Variants in ARHGAP15 observed in about 807,000 individuals in gnomAD.
ARHGAP15 encodes rho GTPase-activating protein 15.
A neutral mutation model predicts 63.7 loss-of-function variants in ARHGAP15; 51 were observed. The observed-to-expected ratio is 0.80, with a 90% confidence interval of 0.64 to 1.01. The LOEUF (loss-of-function observed/expected upper bound fraction) is 1.01, where lower values mean the gene tolerates loss of function less well. Among genes scored for constraint, ARHGAP15 ranks in the 50% least tolerant of loss-of-function variants. The probability of loss-of-function intolerance (pLI) is 0.00; values close to 1 mark genes in which losing one functional copy is unlikely to be tolerated. For synonymous variants in ARHGAP15, 191 were observed against 193.8 expected (o/e 0.99, Z 0.12); for missense variants, 560 against 564.6 (o/e 0.99, Z 0.08).
intron 2 of ARHGAP15, among the ~76,000 whole-genome samples, chr2:143,178,596 T>A (rs1691100501): frequency 6.6e-6 from 1 of 152,140 alleles, no homozygotes; most frequent in Non-Finnish European, 1.5e-5. Context: ...ATGTTGGCTA[T>A]TTTTCTTCTT....
intron 2 of ARHGAP15, among the ~76,000 whole-genome samples, chr2:143,187,169 C>T (rs1012797321): frequency 3.3e-5 from 5 of 151,874 alleles, no homozygotes; most frequent in African/African-American, 4.8e-5. Flanking sequence ...TGATATGGTG[C>T]GAAAGCAAAT....
intron 1 of ARHGAP15, among the ~76,000 whole-genome samples, chr2:143,147,662 C>A (rs1007617252): frequency 1.3e-5 from 2 of 151,916 alleles, no homozygotes; most frequent in African/African-American, 4.8e-5. Flanking sequence ...ACCCTAGGAA[C>A]CTTTTCTTCA....
intron 6 of ARHGAP15, among the ~76,000 whole-genome samples, chr2:143,405,431 A>G (rs1688159844): frequency 6.6e-6 from 1 of 151,770 alleles, no homozygotes; most frequent in African/African-American, 2.4e-5. Flanking sequence ...TGTTTCATCA[A>G]CTTCAGTAAA....
chr2:143,131,152 A>T lies in ARHGAP15; in HGVS notation c.-15+1686A>T, dbSNP rs905120253. ...TACACATATTTTATGGAATATGTGT[A>T]AAATTAAGAATGAATTGAAGAGAGC... On this transcript the variant is annotated intron_variant, in intron 1 of 13. Coordinates refer to ENST00000295095, the MANE Select transcript of ARHGAP15 (RefSeq NM_018460.4). 7.2e-5 allele frequency among the ~76,000 whole-genome samples: 11 copies of T among 152,340 alleles called. No homozygotes were observed. In the South Asian group the frequency reaches 2.1e-3, roughly 29 times the overall value.
At chr2:143,720,791 C>T (rs968295310) in intron 13 of ARHGAP15, among the ~76,000 whole-genome samples, 9 of 152,242 alleles carry the variant, frequency 5.9e-5, no homozygotes, top group South Asian at 2.1e-4. Flanking sequence ...GATTCTGGGT[C>T]GGGCACGGTG....
chr2:143,650,320 T>C lies in ARHGAP15; in HGVS notation c.1138+26053T>C, dbSNP rs188837286. Among the ~76,000 whole-genome samples, 113 of 152,042 alleles carry C rather than the reference T, an allele frequency of 7.4e-4. 1 individual carries two copies. The highest frequency in any genetic ancestry group is 1.3e-3 in the Non-Finnish European group (89 of 67,848). ...AAGAAAAGAGTGGGTTGGGAAGTGATTTAAATTCTCCTGCTTCAGGCCCTA... is the reference window on the plus strand; with the variant it reads ...AAGAAAAGAGTGGGTTGGGAAGTGACTTAAATTCTCCTGCTTCAGGCCCTA... On this transcript the variant is annotated intron_variant, in intron 12 of 13. Transcript: ENST00000295095.
rs142963349 is a variant in ARHGAP15, at chr2:143,455,622, G to T, written c.703+18580G>T. On this transcript the variant is annotated intron_variant, in intron 8 of 13. Transcript: ENST00000295095. ...TAACAAGTTGATTTAATTTAAAGAT[G>T]ATTATACACATGATGAAATACTGTT... 2.2e-4 allele frequency among the ~76,000 whole-genome samples: 33 copies of T among 152,192 alleles called. 1 individual carries two copies. In the East Asian group the frequency reaches 6.4e-3, roughly 29 times the overall value.
chr2:143,660,956 G>C (rs12466795), intron 12 of ARHGAP15, among the ~76,000 whole-genome samples: 15,331 of 152,252 alleles, frequency 0.1, 1,028 homozygotes, highest in East Asian at 0.32. Flanking sequence ...GTTAAAATCA[G>C]AGTGTTCTTA....
intron 8 of ARHGAP15, among the ~76,000 whole-genome samples, chr2:143,467,242 C>CTTTTTTTTTTTTTTTTTTTTTTTTCTTT (rs202115707): frequency 1.7e-5 from 1 of 57,894 alleles, no homozygotes; most frequent in Non-Finnish European, 3.0e-5. Context: ...ACTCCATGGC[C>CTTTTTTTTTTTTTTTTTTTTTTTTCTTT]TTTTTTTTTT....
chr2:143,530,203 C>T (rs930446436), intron 10 of ARHGAP15, among the ~76,000 whole-genome samples: 2 of 152,032 alleles, frequency 1.3e-5, no homozygotes, highest in Non-Finnish European at 1.5e-5. Context: ...AAAGAAATTA[C>T]CTTAAAAGTG....
intron 6 of ARHGAP15, among the ~76,000 whole-genome samples, chr2:143,397,997 T>G (rs1223209789): frequency 2.6e-5 from 4 of 152,140 alleles, no homozygotes; most frequent in African/African-American, 7.2e-5. Flanking sequence ...CCTTGAAATG[T>G]TTTCTTTCTG....
chr2:143,336,244 A>T (rs1215890002), intron 6 of ARHGAP15, among the ~76,000 whole-genome samples: 4 of 152,144 alleles, frequency 2.6e-5, no homozygotes, highest in African/African-American at 9.7e-5. Context: ...ATGTTATGCC[A>T]CAAACTTGGA....
intron 5 of ARHGAP15, among the ~76,000 whole-genome samples, chr2:143,248,279 G>A (rs757987473): frequency 6.6e-5 from 10 of 152,134 alleles, no homozygotes; most frequent in Non-Finnish European, 1.0e-4. Flanking sequence ...GGAGCCAGCC[G>A]TGTGAAGATT....
intron 11 of ARHGAP15, among the ~76,000 whole-genome samples, chr2:143,561,074 A>G (rs559841760): frequency 3.2e-4 from 48 of 152,288 alleles, no homozygotes; most frequent in African/African-American, 1.1e-3. Context: ...CATGGGGGGT[A>G]CTTTGCAAAT....
intron 6 of ARHGAP15, among the ~76,000 whole-genome samples, chr2:143,272,703 G>A (rs1681350598): frequency 1.3e-5 from 2 of 152,026 alleles, no homozygotes; most frequent in Admixed American, 6.6e-5. Flanking sequence ...CTCAATCCAG[G>A]TGATCTAAAG....
intron 6 of ARHGAP15, among the ~76,000 whole-genome samples, chr2:143,375,753 T>C (rs759354616): frequency 7.2e-5 from 11 of 152,198 alleles, no homozygotes; most frequent in Non-Finnish European, 1.5e-4. Context: ...TTAAGTGTTC[T>C]TACTGAAAAC....
chr2:143,391,108 C>T (rs980370344), intron 6 of ARHGAP15, among the ~76,000 whole-genome samples: 1 of 152,092 alleles, frequency 6.6e-6, no homozygotes, highest in Non-Finnish European at 1.5e-5. Flanking sequence ...CCCTGGAAAC[C>T]CCTGTGACTG....
chr2:143,387,959 G>A (rs1687370661), intron 6 of ARHGAP15, among the ~76,000 whole-genome samples: 1 of 151,552 alleles, frequency 6.6e-6, no homozygotes, highest in African/African-American at 2.4e-5. Context: ...ACAAGCAAAT[G>A]ATATTTAGAA....
At chr2:143,500,338 T>A (rs1369919935) in intron 9 of ARHGAP15, among the ~76,000 whole-genome samples, 3 of 151,908 alleles carry the variant, frequency 2.0e-5, no homozygotes, top group African/African-American at 4.8e-5. Context: ...TAAGGCAGGA[T>A]TTGTTGACAA....
Sources: allele counts gnomAD v4.1 joint callset (sites outside exome capture counted in the v4.1 genomes callset), GRCh38; gene constraint gnomAD v4.1.1; transcripts MANE v1.5; gene names NCBI Gene and HGNC (gene_info 2026-07-23, HGNC 2026-07-21).